REDIC1: variants seen among roughly 807,000 people sequenced by gnomAD.
REDIC1 encodes regulator of DNA class I crossover intermediates 1.
At chr12:39,713,391 TAG>T in the REDIC1 span, among the ~76,000 whole-genome samples, 2 of 145,906 alleles carry the variant, frequency 1.4e-5, no homozygotes, top group Non-Finnish European at 3.1e-5. Context: ...TGTATGTGTG[TAG>T]ACACATACGT....
the REDIC1 span, among the ~76,000 whole-genome samples, chr12:39,896,446 ATATG>A: frequency 7.6e-6 from 1 of 131,910 alleles, no homozygotes; most frequent in African/African-American, 3.1e-5. Context: ...ACATATATGT[ATATG>A]TGTGTATATA....
the REDIC1 span, among the ~76,000 whole-genome samples, chr12:39,806,139 G>A: frequency 6.6e-6 from 1 of 152,078 alleles, no homozygotes; most frequent in East Asian, 1.9e-4. Context: ...AAGAGCTTCC[G>A]AGAACACGAT....
the REDIC1 span, among the ~76,000 whole-genome samples, chr12:39,694,662 A>T: frequency 6.6e-6 from 1 of 152,138 alleles, no homozygotes; most frequent in Non-Finnish European, 1.5e-5. Context: ...TTTGAAAGGC[A>T]GTCTAGGCCA....
chr12:39,639,927 A>G, the REDIC1 span, among the ~76,000 whole-genome samples: 1 of 151,898 alleles, frequency 6.6e-6, no homozygotes, highest in Non-Finnish European at 1.5e-5. Flanking sequence ...ACTGTCATGA[A>G]TATTTTATAG....
chr12:39,823,654 G>T, the REDIC1 span, among the ~76,000 whole-genome samples: 1 of 152,026 alleles, frequency 6.6e-6, no homozygotes, highest in Non-Finnish European at 1.5e-5. Context: ...CTGCTATGTT[G>T]CCCAGGCTGG....
At chr12:39,636,364 A>G in the REDIC1 span, among the ~76,000 whole-genome samples, 1 of 151,812 alleles carries the variant, frequency 6.6e-6, no homozygotes, top group South Asian at 2.1e-4. Context: ...TTTCTTTTGC[A>G]TTATAAGGGA....
the REDIC1 span, among the ~76,000 whole-genome samples, chr12:39,901,039 T>C: frequency 2.1e-3 from 320 of 152,134 alleles, no homozygotes; most frequent in Non-Finnish European, 3.8e-3. Context: ...ACACTGCATA[T>C]CTACAACCAT....
the REDIC1 span, among the ~76,000 whole-genome samples, chr12:39,726,137 C>CTCCTCCTCT: frequency 6.6e-6 from 1 of 151,780 alleles, no homozygotes; most frequent in Non-Finnish European, 1.5e-5. Flanking sequence ...CCTCCTCCTC[C>CTCCTCCTCT]TCCTCCTCTT....
the REDIC1 span, among the ~76,000 whole-genome samples, chr12:39,746,693 C>T: frequency 6.6e-6 from 1 of 152,194 alleles, no homozygotes; most frequent in Non-Finnish European, 1.5e-5. Context: ...GGCAGACTGA[C>T]ACCTCACACG....
chr12:39,730,574 T>G, the REDIC1 span, among the ~76,000 whole-genome samples: 1 of 152,232 alleles, frequency 6.6e-6, no homozygotes, highest in Admixed American at 6.5e-5. Flanking sequence ...GACCTTTCTC[T>G]CTGGCTACCC....
At chr12:39,746,776 G>A in the REDIC1 span, among the ~76,000 whole-genome samples, 31 of 152,320 alleles carry the variant, frequency 2.0e-4, no homozygotes, top group East Asian at 5.2e-3. Context: ...AGCAATATTC[G>A]CTGTTATGCA....
chr12:39,644,015 GA>G, the REDIC1 span: 6 of 997,282 alleles, frequency 6.0e-6, no homozygotes, highest in Admixed American at 1.7e-4. Context: ...AAAGCATGTG[GA>G]AAATTAATTT....
the REDIC1 span, among the ~76,000 whole-genome samples, chr12:39,656,769 G>A: frequency 5.3e-5 from 8 of 152,024 alleles, no homozygotes; most frequent in African/African-American, 1.7e-4. Context: ...CTAGGCTAAT[G>A]TATGTTTATG....
the REDIC1 span, among the ~76,000 whole-genome samples, chr12:39,751,904 G>T: frequency 0.84 from 127,403 of 151,976 alleles, 53,652 homozygotes; most frequent in African/African-American, 0.89. Context: ...GCCTGTTGTG[G>T]GATGGGGAGA....
At chr12:39,852,892 C>A in the REDIC1 span, among the ~76,000 whole-genome samples, 4 of 152,152 alleles carry the variant, frequency 2.6e-5, no homozygotes, top group Admixed American at 2.0e-4. Flanking sequence ...TGGGCCACTC[C>A]TTCATTCACA....
At chr12:39,827,665 T>C in the REDIC1 span, among the ~76,000 whole-genome samples, 3 of 152,260 alleles carry the variant, frequency 2.0e-5, no homozygotes, top group African/African-American at 7.2e-5. Flanking sequence ...GTCTACTACA[T>C]TTTCTAGAAG....
the REDIC1 span, chr12:39,764,334 C>T: frequency 1.2e-6 from 1 of 821,892 alleles, no homozygotes. Flanking sequence ...GACAAGAAAG[C>T]CACATGGAGA....
chr12:39,647,895 G>A, the REDIC1 span: 986 of 1,606,784 alleles, frequency 6.1e-4, 1 homozygote, highest in Non-Finnish European at 8.1e-4. Flanking sequence ...CCTTCTAACA[G>A]ACATATTTCA....
chr12:39,732,859 T>A, the REDIC1 span, among the ~76,000 whole-genome samples: 1 of 152,222 alleles, frequency 6.6e-6, no homozygotes, highest in Non-Finnish European at 1.5e-5. Context: ...GATAGCTTCC[T>A]TGCTGTCTGG....
Sources: gnomAD v4.1 joint callset for allele counts (sites outside exome capture counted in the v4.1 genomes callset) on GRCh38, gnomAD v4.1.1 for gene constraint, MANE v1.5 for transcripts, NCBI Gene and HGNC (gene_info 2026-07-23, HGNC 2026-07-21) for gene names.